Variants in TTC6 observed in about 807,000 individuals in gnomAD.
TTC6 encodes tetratricopeptide repeat domain 6, also known as tetratricopeptide repeat protein 6.
Under a neutral mutation model 210.4 loss-of-function variants are expected in TTC6, and 172 were observed. The ratio of observed to expected loss-of-function variants is 0.82; its 90% CI spans 0.72 to 0.93. The LOEUF (loss-of-function observed/expected upper bound fraction) is 0.93. Ranked by LOEUF, TTC6 falls within the 40% of genes least tolerant of loss-of-function variation. The pLI is 0.00. For missense variants in TTC6, 2,414 were observed against 2,318.1 expected (o/e 1.04, Z -0.85); for synonymous variants, 804 against 819.6 (o/e 0.98, Z 0.32).
intron 1 of TTC6, among the ~76,000 whole-genome samples, chr14:37,624,004 T>G (rs2095655962): frequency 6.6e-6 from 1 of 152,224 alleles, no homozygotes; most frequent in Non-Finnish European, 1.5e-5. Context: ...CTATTACTGT[T>G]CTTGGCTGCA....
chr14:37,740,819 A>G (rs1235676921), intron 10 of TTC6, among the ~76,000 whole-genome samples: 1 of 152,204 alleles, frequency 6.6e-6, no homozygotes, highest in Non-Finnish European at 1.5e-5. Context: ...CAATACATTT[A>G]CTGATTTTAA....
chr14:37,763,418 A>G (rs2095990304), intron 14 of TTC6, among the ~76,000 whole-genome samples: 2 of 152,092 alleles, frequency 1.3e-5, no homozygotes, highest in Admixed American at 6.6e-5. Flanking sequence ...GGTAGAATTT[A>G]CTGTTGACAT....
intron 29 of TTC6, among the ~76,000 whole-genome samples, chr14:37,827,607 A>G (rs572414922): frequency 5.9e-5 from 9 of 152,056 alleles, no homozygotes; most frequent in Non-Finnish European, 1.2e-4. Flanking sequence ...TTTTATCATA[A>G]TAAATGTCTT....
intron 1 of TTC6, among the ~76,000 whole-genome samples, chr14:37,599,100 C>T (rs1386553431): frequency 1.3e-5 from 2 of 152,178 alleles, no homozygotes; most frequent in African/African-American, 4.8e-5. Context: ...AGGGGTCACA[C>T]GTGCGTGTGC....
chr14:37,726,964 A>C (rs1478824470), intron 7 of TTC6, among the ~76,000 whole-genome samples: 1 of 151,808 alleles, frequency 6.6e-6, no homozygotes, highest in African/African-American at 2.4e-5. Context: ...TTAGAGTAGA[A>C]CTTTTAGAAA....
chr14:37,809,494 C>T (rs182674308), intron 24 of TTC6, among the ~76,000 whole-genome samples: 11 of 152,112 alleles, frequency 7.2e-5, no homozygotes, highest in East Asian at 3.9e-4. Context: ...CCTCGTGATC[C>T]GCCTGCCTCG....
At chr14:37,675,612 A>G (rs1356902926) in intron 1 of TTC6, among the ~76,000 whole-genome samples, 2 of 152,064 alleles carry the variant, frequency 1.3e-5, no homozygotes, top group African/African-American at 4.8e-5. Context: ...TTGCTGTGTC[A>G]GTTGGTAATA....
At chr14:37,693,724 C>T (rs1256892513) in intron 3 of TTC6, among the ~76,000 whole-genome samples, 1 of 152,088 alleles carries the variant, frequency 6.6e-6, no homozygotes, top group African/African-American at 2.4e-5. Context: ...ACCAAAACAG[C>T]ATGGTACTGG....
At chr14:37,820,382 G>A (rs1484867044) in intron 26 of TTC6, among the ~76,000 whole-genome samples, 3 of 152,188 alleles carry the variant, frequency 2.0e-5, no homozygotes, top group East Asian at 3.9e-4. Context: ...AAACATTAGT[G>A]CTGATAACTT....
chr14:37,622,127 G>A (rs1374284053), exon 1 of TTC6: 3 of 1,535,502 alleles, frequency 2.0e-6, no homozygotes, highest in Non-Finnish European at 2.6e-6. Flanking sequence ...TGTTTAAAGA[G>A]CTTGAGAAAG....
At chr14:37,709,692 T>TAA (rs10585657) in intron 5 of TTC6, among the ~76,000 whole-genome samples, 2 of 126,462 alleles carry the variant, frequency 1.6e-5, no homozygotes, top group Non-Finnish European at 1.6e-5. Context: ...TCATGTTTTG[T>TAA]AAAAAAAAAA....
At chr14:37,691,234 G>A (rs35141852) in intron 3 of TTC6, among the ~76,000 whole-genome samples, 8,689 of 152,176 alleles carry the variant, frequency 0.057, 384 homozygotes, top group Non-Finnish European at 0.089. Context: ...GGAGGCTGAG[G>A]CATGAGAATT....
At chr14:37,835,190 G>C (rs572856695) in intron 29 of TTC6, among the ~76,000 whole-genome samples, 2 of 152,292 alleles carry the variant, frequency 1.3e-5, no homozygotes, top group South Asian at 4.1e-4. Flanking sequence ...AGACCACTGG[G>C]CTGGGTGTGT....
At chr14:37,622,417 G>C in exon 1 of TTC6, 2 of 1,531,862 alleles carry the variant, frequency 1.3e-6, no homozygotes, top group Non-Finnish European at 1.7e-6. Context: ...TTTCGCCCCC[G>C]GGACTTTTAC....
At chr14:37,826,419 G>A in intron 28 of TTC6, 72 bp downstream of exon 30, 1 of 1,305,102 alleles carries the variant, frequency 7.7e-7, no homozygotes, top group Non-Finnish European at 1.0e-6. Context: ...CAAGTAAGAA[G>A]TTCTCTGTTA....
rs371738276 is a variant in TTC6 at position 37,785,153 on chromosome 14, A to G, written c.3267-2315A>G. Among the ~76,000 whole-genome samples the G allele has an allele frequency of 3.9e-5, 6 of 152,220 alleles. No homozygotes were observed. In the East Asian group the frequency reaches 1.2e-3, roughly 29 times the overall value. On this transcript the variant is annotated intron_variant, in intron 14 of 30. Coordinates refer to ENST00000553443, the Ensembl canonical transcript of TTC6. ...TTGTGACATTCTCTGTGTTTCCTGA[A>G]TTTGAATGGTAGCCTGCCTTGCTAG...
chr14:37,656,540 T>C lies in TTC6; in HGVS notation c.940-23611T>C, dbSNP rs112642297. On this transcript the variant is annotated intron_variant, in intron 1 of 30. Coordinates refer to ENST00000553443, the Ensembl canonical transcript of TTC6. ...GTGTGTGTGTGTGTGTGTGTGTGTG[T>C]GCGTGTGTGTGTGTATTGATGGGCA... is the stretch of plus-strand genomic sequence containing the variant. 4.7e-3 allele frequency among the ~76,000 whole-genome samples: 662 copies of C among 140,744 alleles called. 7 individuals carry two copies. Among genetic ancestry groups the C allele is most frequent in the African/African-American group, 0.014 (532 of 37,412 alleles). 92.3% of individuals were successfully genotyped at this position (140,744 alleles called of 152,430 possible).
intron 9 of TTC6, among the ~76,000 whole-genome samples, chr14:37,738,075 T>C (rs2095906840): frequency 6.6e-6 from 1 of 151,740 alleles, no homozygotes; most frequent in Non-Finnish European, 1.5e-5. Context: ...GATGGCTCAA[T>C]AGGCAGGAAA....
rs1371195366 is a variant in TTC6, at chr14:37,738,863, G to T, written c.2071G>T (p.Val691Phe). 2.0e-6 allele frequency: 3 copies of T among 1,534,788 alleles called. No homozygotes were observed. In the African/African-American group the frequency reaches 4.1e-5, roughly 21 times the overall value. The change falls in exon 10 of 31, where the codon GTT becomes TTT. Residue 691 changes from valine to phenylalanine, a missense_variant. Transcript: ENST00000553443. ...TGATATGCAAAGCAGTATAAAAGAG[G>T]TTATGTTTCAGAAAGCAAAGGAATT... is the stretch of plus-strand genomic sequence containing the variant.
Sources: allele counts gnomAD v4.1 joint callset (sites outside exome capture counted in the v4.1 genomes callset), GRCh38; gene constraint gnomAD v4.1.1; transcripts MANE v1.5; gene names NCBI Gene and HGNC (gene_info 2026-07-23, HGNC 2026-07-21).